PPP2R2C: variants seen among roughly 807,000 people sequenced by gnomAD.
The protein encoded by PPP2R2C is protein phosphatase 2 regulatory subunit Bgamma.
PPP2R2C carries 10 observed loss-of-function variants against 45.3 expected under a neutral mutation model. That is an observed-to-expected ratio of 0.22 (90% CI 0.14 to 0.37). The LOEUF (loss-of-function observed/expected upper bound fraction) is 0.37, where lower values mean the gene tolerates loss of function less well. Among genes scored for constraint, PPP2R2C ranks in the 10% least tolerant of loss-of-function variants. PPP2R2C has a pLI of 1.00. For synonymous variants in PPP2R2C, 257 were observed against 245.4 expected (o/e 1.05, Z -0.44); for missense variants, 308 against 619.7 (o/e 0.50, Z 5.34).
intron 1 of PPP2R2C, among the ~76,000 whole-genome samples, chr4:6,468,441 A>G (rs893444380): frequency 1.3e-5 from 2 of 152,240 alleles, no homozygotes; most frequent in African/African-American, 4.8e-5. Context: ...ACATGGGTAC[A>G]TCCTTTATGC....
At chr4:6,386,470 A>G (rs1287771374) in intron 1 of PPP2R2C, among the ~76,000 whole-genome samples, 1 of 152,244 alleles carries the variant, frequency 6.6e-6, no homozygotes, top group African/African-American at 2.4e-5. Flanking sequence ...CACACAGGAC[A>G]GACTTCCAGC....
chr4:6,359,864 G>A (rs1221418291), intron 5 of PPP2R2C, among the ~76,000 whole-genome samples: 5 of 152,166 alleles, frequency 3.3e-5, no homozygotes, highest in Non-Finnish European at 7.4e-5. Flanking sequence ...TCTGCTGACT[G>A]GAAATATAGC....
At position 6,350,957 on chromosome 4, in the gene PPP2R2C, T is replaced by C. The variant is rs146659956; in HGVS notation, c.626-2947A>G. The C allele has an allele frequency of 2.0e-4, 201 of 985,358 alleles. 2 individuals are homozygous for C. The East Asian group carries it at 0.017, about 85-fold the overall frequency. The allele number at this position is 985,358 out of a possible 1,614,324, so 61.0% of individuals were successfully genotyped here. A position where few individuals can be genotyped will look rare whatever the true frequency, so the allele number is the denominator to read the frequency against. Reference sequence around the variant, plus strand: ...AACGTGAGCCCCCTGACAGGTTCAGTGTCCACCCAAACGCTCTTTCCTTTC... The same window carrying C: ...AACGTGAGCCCCCTGACAGGTTCAGCGTCCACCCAAACGCTCTTTCCTTTC... On this transcript the variant is annotated intron_variant, in intron 5 of 8. Transcript: ENST00000382599.
At chr4:6,396,248 C>T (rs1216842312) in intron 1 of PPP2R2C, among the ~76,000 whole-genome samples, 1 of 152,204 alleles carries the variant, frequency 6.6e-6, no homozygotes, top group African/African-American at 2.4e-5. Flanking sequence ...AGGCCAGCCC[C>T]TGGTCCTTCC....
chr4:6,401,598 C>A lies in PPP2R2C; in HGVS notation c.71-20504G>T, dbSNP rs1163597565. Among the ~76,000 whole-genome samples the A allele has an allele frequency of 2.6e-5, 4 of 152,076 alleles. No individual in the cohort carries two copies. The East Asian group carries it at 7.7e-4, about 29-fold the overall frequency. On this transcript the variant is annotated intron_variant, in intron 1 of 8. Transcript: ENST00000382599. ...ACCAAGACCTAACCTCTGGAGCATC[C>A]CGGTCTGAGATAGCCCTTTGAGCTC...
intron 5 of PPP2R2C, among the ~76,000 whole-genome samples, chr4:6,356,582 A>T (rs1271472201): frequency 6.6e-6 from 1 of 152,216 alleles, no homozygotes; most frequent in Non-Finnish European, 1.5e-5. Context: ...GGTTTCCCCA[A>T]CTTCAGAAGG....
At chr4:6,343,693 CAAATTCTGTCTAAAA>C (rs1192018092) in intron 6 of PPP2R2C, among the ~76,000 whole-genome samples, 1 of 151,910 alleles carries the variant, frequency 6.6e-6, no homozygotes, top group Non-Finnish European at 1.5e-5. Flanking sequence ...GTGATGGAGC[CAAATTCTGTCTAAAA>C]AAAAAGAAAA....
intron 2 of PPP2R2C, among the ~76,000 whole-genome samples, chr4:6,481,812 C>T (rs934981991): frequency 2.0e-5 from 3 of 151,714 alleles, no homozygotes; most frequent in African/African-American, 7.3e-5. Context: ...GACCCCATCT[C>T]TACTAAAAAT....
intron 5 of PPP2R2C, chr4:6,350,942 C>T (rs1365318108): frequency 1.0e-6 from 1 of 985,226 alleles, no homozygotes; most frequent in Non-Finnish European, 1.2e-6. Flanking sequence ...AACGTGAGCC[C>T]CCTGACAGGT....
intron 1 of PPP2R2C, among the ~76,000 whole-genome samples, chr4:6,390,842 A>T (rs1716580950): frequency 6.6e-6 from 1 of 152,026 alleles, no homozygotes; most frequent in African/African-American, 2.4e-5. Flanking sequence ...TGATCACCTT[A>T]TTACTGAATT....
In PPP2R2C at chr4:6,348,025, G is replaced by A; in HGVS notation, c.626-15C>T. On this transcript the variant is annotated splice_polypyrimidine_tract_variant and intron_variant, in intron 5 of 8. Transcript: ENST00000382599. Reference sequence around the variant, plus strand: ...GTCCACGATGTCTGGGGGCAGTGCGGTCAAGGAAGGGGCAGTGAAGGGCGC... The same window carrying A: ...GTCCACGATGTCTGGGGGCAGTGCGATCAAGGAAGGGGCAGTGAAGGGCGC... The A allele has an allele frequency of 6.2e-7, 1 of 1,612,270 alleles. No individual in the cohort carries two copies. The highest frequency in any genetic ancestry group is 8.5e-7 in the Non-Finnish European group (1 of 1,178,776).
chr4:6,463,745 C>G (rs1183462351), intron 1 of PPP2R2C, among the ~76,000 whole-genome samples: 1 of 152,248 alleles, frequency 6.6e-6, no homozygotes, highest in Non-Finnish European at 1.5e-5. Context: ...TCATCACCCC[C>G]CAACCTGGAA....
At chr4:6,383,041 C>A (rs564757349) in intron 1 of PPP2R2C, 19 of 1,082,612 alleles carry the variant, frequency 1.8e-5, no homozygotes, top group Admixed American at 4.9e-5. Context: ...CTCTGCCCCC[C>A]ACCTTGATTC....
intron 1 of PPP2R2C, chr4:6,535,477 C>T (rs987155837): frequency 2.6e-5 from 20 of 781,490 alleles, no homozygotes; most frequent in African/African-American, 8.9e-5. Context: ...CACCCACGGC[C>T]GCCCTGGCCG....
intron 2 of PPP2R2C, among the ~76,000 whole-genome samples, chr4:6,533,204 C>T (rs1045687824): frequency 2.0e-5 from 3 of 152,122 alleles, no homozygotes; most frequent in South Asian, 2.1e-4. Flanking sequence ...AACACATGCC[C>T]GAGACCCAGA....
At chr4:6,408,945 A>G (rs1210264541) in intron 1 of PPP2R2C, among the ~76,000 whole-genome samples, 1 of 141,272 alleles carries the variant, frequency 7.1e-6, no homozygotes, top group Non-Finnish European at 1.5e-5. Flanking sequence ...TGATTTTTTT[A>G]AACATTAAAA....
Position 6,510,980 on chromosome 4 carries a change from C to CAAAAAAAAAAAA in PPP2R2C, c.49+24290_49+24291insTTTTTTTTTTTT, listed in dbSNP as rs752037080. Among the ~76,000 whole-genome samples, 20 of 41,340 alleles carry CAAAAAAAAAAAA rather than the reference C, an allele frequency of 4.8e-4. 1 individual carries two copies. The East Asian group carries it at 7.4e-3, about 15-fold the overall frequency. 27.1% of individuals were successfully genotyped at this position (41,340 alleles called of 152,430 possible). On this transcript the variant is annotated intron_variant, in intron 2 of 9. Transcript: ENST00000506140. Reference sequence around the variant, plus strand: ...CAACAGAGTGAGACTCCGTCTCAAACAAAAAAAAACAAACAAACAAAAAAA... The same window carrying CAAAAAAAAAAAA: ...CAACAGAGTGAGACTCCGTCTCAAACAAAAAAAAAAAAAAAAAAAAACAAACAAACAAAAAAA...
chr4:6,437,822 A>G (rs926490332), intron 1 of PPP2R2C, among the ~76,000 whole-genome samples: 6 of 152,214 alleles, frequency 3.9e-5, no homozygotes, highest in Admixed American at 3.9e-4. Context: ...AATCTCATTC[A>G]ATCCTCAACA....
chr4:6,509,543 A>G (rs1723358905), intron 2 of PPP2R2C, among the ~76,000 whole-genome samples: 1 of 152,164 alleles, frequency 6.6e-6, no homozygotes, highest in Non-Finnish European at 1.5e-5. Context: ...TGTTTAATAA[A>G]TCTGCCCAGA....
Sources: gnomAD v4.1 joint callset for allele counts (sites outside exome capture counted in the v4.1 genomes callset) on GRCh38, gnomAD v4.1.1 for gene constraint, MANE v1.5 for transcripts, NCBI Gene and HGNC (gene_info 2026-07-23, HGNC 2026-07-21) for gene names.